The following FOXK2 variants were observed in gnomAD, a reference collection of about 807,000 sequenced individuals.
The protein encoded by FOXK2 is forkhead box protein K2.
FOXK2 carries 24 observed loss-of-function variants against 53.3 expected under a neutral mutation model. That is an observed-to-expected ratio of 0.45 (90% CI 0.33 to 0.63). FOXK2 has a LOEUF of 0.63. Ranked by LOEUF, FOXK2 falls within the 30% of genes least tolerant of loss-of-function variation. The pLI is 0.03. For synonymous variants in FOXK2, 505 were observed against 407.1 expected (o/e 1.24, Z -2.89); for missense variants, 952 against 910.5 (o/e 1.05, Z -0.59).
rs570420379 is a variant in FOXK2, at chr17:82,588,471, G to A, written c.1786+1199G>A. ...GAGGGCTGGCGGTTGGAGGGCTGGC[G>A]GTTGGAGGGCAGGCGGTTGGAGGGC... is the stretch of plus-strand genomic sequence containing the variant. On this transcript the variant is annotated intron_variant, in intron 8 of 8. Coordinates refer to ENST00000335255, the MANE Select transcript of FOXK2 (RefSeq NM_004514.4). 173 of 163,826 alleles carry A rather than the reference G, an allele frequency of 1.1e-3. 1 individual carries two copies. Among genetic ancestry groups the A allele is most frequent in the South Asian group, 4.7e-3 (36 of 7,730 alleles). The allele number at this position is 163,826 out of a possible 1,614,324, so 10.1% of individuals were successfully genotyped here.
chr17:82,601,416 A>T lies in FOXK2; in HGVS notation c.1900A>T (p.Thr634Ser). Residue 634 changes from threonine (T) to serine (S), a missense_variant, in exon 9 of 9, where the codon ACA (threonine) becomes TCA (serine). Around this residue, in one of 5 missense-constraint regions of FOXK2, gnomAD observed 551 missense variants for 385.1 expected, o/e 1.43. Transcript: ENST00000335255. ...GCAGCCGGAGCTGAAGCGGATCAAG[A>T]CAGAAGACGGCGAGGGCATCGTCAT... ...PEQPELKRIK[T>S]EDGEGIVIAL... 1 of 1,613,036 alleles carries T rather than the reference A, an allele frequency of 6.2e-7. No homozygotes were observed. The highest frequency in any genetic ancestry group is 1.7e-4 in the Middle Eastern group (1 of 5,868).
At position 82,604,145 on chromosome 17, in the gene FOXK2, G is replaced by C. The variant is rs529290464; in HGVS notation, c.*2646G>C. On this transcript the variant is annotated 3_prime_UTR_variant, in exon 9 of 9. Transcript: ENST00000335255. ...TTCCTCAGTGTCTGCTTTTCAGGAA[G>C]TCTGCTGTGACCTTTGCCCAACTTC... The C allele has an allele frequency of 6.6e-6, 1 of 152,430 alleles. No individual in the cohort carries two copies. The highest frequency in any genetic ancestry group is 2.4e-5 in the African/African-American group (1 of 41,586). The allele number at this position is 152,430 out of a possible 1,614,324, so 9.4% of individuals were successfully genotyped here. A position where few individuals can be genotyped will look rare whatever the true frequency, so the allele number is the denominator to read the frequency against.
At chr17:82,552,840 G>C (rs530539144) in intron 1 of FOXK2, among the ~76,000 whole-genome samples, 30 of 152,330 alleles carry the variant, frequency 2.0e-4, no homozygotes, top group African/African-American at 7.0e-4. Flanking sequence ...CTCTGCTCAA[G>C]CGTCTCCGCG....
At chr17:82,592,263 C>G (rs2045259973) in intron 8 of FOXK2, among the ~76,000 whole-genome samples, 1 of 152,254 alleles carries the variant, frequency 6.6e-6, no homozygotes, top group Non-Finnish European at 1.5e-5. Context: ...AGGGCCTCGC[C>G]TGCTCAGTGT....
intron 1 of FOXK2, among the ~76,000 whole-genome samples, chr17:82,520,531 C>A (rs1042123734): frequency 1.3e-5 from 2 of 152,184 alleles, no homozygotes; most frequent in Non-Finnish European, 2.9e-5. Flanking sequence ...TGCAGCCCCC[C>A]GTCTTTCCCC....
At chr17:82,561,594 T>C (rs1598212634) in intron 1 of FOXK2, among the ~76,000 whole-genome samples, 1 of 151,552 alleles carries the variant, frequency 6.6e-6, no homozygotes, top group East Asian at 1.9e-4. Context: ...ACCAAGACCG[T>C]GGGGAGGACT....
chr17:82,570,837 C>G (rs1002618627), intron 3 of FOXK2, among the ~76,000 whole-genome samples: 7 of 152,208 alleles, frequency 4.6e-5, no homozygotes, highest in African/African-American at 9.6e-5. Flanking sequence ...GTCACTATGA[C>G]AGGGAGCCAC....
rs977847180 is a variant in FOXK2 at position 82,584,247 on chromosome 17, G to C, written c.1279+59G>C. 3.4e-6 allele frequency: 5 copies of C among 1,472,560 alleles called. No homozygotes were observed. The African/African-American group carries it at 4.2e-5, about 12-fold the overall frequency. The allele number at this position is 1,472,560 out of a possible 1,614,324, so 91.2% of individuals were successfully genotyped here. ...CAGCGTGAGCCAGACGCGGACGCCTGGGCTCCACAGAGAAGAAACAGCCGG... is the reference window on the plus strand; with the variant it reads ...CAGCGTGAGCCAGACGCGGACGCCTCGGCTCCACAGAGAAGAAACAGCCGG... On this transcript the variant is annotated intron_variant, in intron 6 of 8. Transcript: ENST00000335255.
At chr17:82,538,332 T>A (rs1567967054) in intron 1 of FOXK2, among the ~76,000 whole-genome samples, 1 of 152,128 alleles carries the variant, frequency 6.6e-6, no homozygotes, top group South Asian at 2.1e-4. Context: ...CTACAAAAAA[T>A]TTAAAAATTA....
intron 5 of FOXK2, among the ~76,000 whole-genome samples, chr17:82,583,266 C>T (rs1468972520): frequency 2.6e-5 from 4 of 152,206 alleles, no homozygotes; most frequent in South Asian, 2.1e-4. Context: ...CTTTTTAGGC[C>T]GGGCGCTGTG....
intron 3 of FOXK2, among the ~76,000 whole-genome samples, chr17:82,568,541 T>G (rs2044877975): frequency 6.6e-6 from 1 of 152,204 alleles, no homozygotes; most frequent in Non-Finnish European, 1.5e-5. Flanking sequence ...TCCCAAACTC[T>G]GAAGGTTATG....
chr17:82,596,547 G>GCCCTGGTGCC (rs1555644203), intron 8 of FOXK2, among the ~76,000 whole-genome samples: 6 of 152,130 alleles, frequency 3.9e-5, no homozygotes, highest in South Asian at 2.1e-4. Context: ...CGCACTTTCT[G>GCCCTGGTGCC]CGGGCAGTCT....
In FOXK2 at chr17:82,603,189, CTG is replaced by C. The variant is rs1260649086; in HGVS notation, c.*1691_*1692del. The stretch of plus-strand genomic sequence containing the variant: ...AAATAAAAGCAAAACCATCACGTGA[CTG>C]AGACCGTGTGTGTGACCGCAGCAAA... On this transcript the variant is annotated 3_prime_UTR_variant, in exon 9 of 9. Transcript: ENST00000335255. 1 of 152,314 alleles carries C rather than the reference CTG, an allele frequency of 6.6e-6. No individual in the cohort carries two copies. The highest frequency in any genetic ancestry group is 2.1e-4 in the South Asian group (1 of 4,830). The allele number at this position is 152,314 out of a possible 1,614,324, so 9.4% of individuals were successfully genotyped here. A position where few individuals can be genotyped will look rare whatever the true frequency, so the allele number is the denominator to read the frequency against.
At chr17:82,595,907 A>G in intron 8 of FOXK2, 1 of 1,275,902 alleles carries the variant, frequency 7.8e-7, no homozygotes. Flanking sequence ...CTTTTCCGGC[A>G]GCCCGGAACC....
chr17:82,576,458 A>G (rs4789800), intron 4 of FOXK2, among the ~76,000 whole-genome samples: 38,511 of 152,148 alleles, frequency 0.25, 5,153 homozygotes, highest in East Asian at 0.39. Context: ...AGGAGGGTTA[A>G]GTCATTTTGG....
chr17:82,553,412 C>G (rs117477450), intron 1 of FOXK2, among the ~76,000 whole-genome samples: 2,361 of 152,376 alleles, frequency 0.015, 33 homozygotes, highest in Non-Finnish European at 0.023. Flanking sequence ...CTGTGCTTGC[C>G]TCTCAGAGTG....
At chr17:82,551,801 G>A (rs1446415482) in intron 1 of FOXK2, among the ~76,000 whole-genome samples, 1 of 152,232 alleles carries the variant, frequency 6.6e-6, no homozygotes, top group Non-Finnish European at 1.5e-5. Context: ...TGTCTTAAAC[G>A]GTCTTCAGCT....
intron 1 of FOXK2, among the ~76,000 whole-genome samples, chr17:82,554,493 T>C (rs1310159570): frequency 6.6e-6 from 1 of 152,286 alleles, no homozygotes; most frequent in African/African-American, 2.4e-5. Flanking sequence ...TTTGCGACAC[T>C]GAATCCAGTT....
intron 3 of FOXK2, among the ~76,000 whole-genome samples, chr17:82,570,110 T>C (rs1443530953): frequency 6.6e-6 from 1 of 151,896 alleles, no homozygotes; most frequent in South Asian, 2.1e-4. Context: ...TAGTCCCAGC[T>C]ACTCGGGAGG....
Sources: gnomAD v4.1 joint callset for allele counts (sites outside exome capture counted in the v4.1 genomes callset) on GRCh38, gnomAD v4.1.1 for gene constraint, gnomAD v4.1.1 regional missense constraint, MANE v1.5 for transcripts, NCBI Gene and HGNC (gene_info 2026-07-23, HGNC 2026-07-21) for gene names.